Variants in WWOX observed in about 807,000 individuals in gnomAD.
WWOX encodes the protein WW domain-containing oxidoreductase.
Under a neutral mutation model 46.2 loss-of-function variants are expected in WWOX, and 69 were observed. That is an observed-to-expected ratio of 1.49 (90% confidence interval 1.23 to 1.82). WWOX has a LOEUF of 1.82. Among genes scored for constraint, WWOX ranks in the 40% most tolerant of loss-of-function variants. The pLI, the probability that WWOX is intolerant of heterozygous loss-of-function variation, is 0.00. For missense variants in WWOX, 919 were observed against 542.6 expected (o/e 1.69, Z -6.89); for synonymous variants, 359 against 202.6 (o/e 1.77, Z -6.56).
chr16:78,988,094 G>A (rs2046816069), intron 8 of WWOX, among the ~76,000 whole-genome samples: 1 of 152,256 alleles, frequency 6.6e-6, no homozygotes, highest in Admixed American at 6.5e-5. Context: ...TGTAATACCA[G>A]CAGTTTGGGA....
At chr16:78,440,055 G>A (rs1329901071) in intron 8 of WWOX, among the ~76,000 whole-genome samples, 1 of 152,214 alleles carries the variant, frequency 6.6e-6, no homozygotes, top group African/African-American at 2.4e-5. Context: ...GACTAGAAAA[G>A]TGCATAACTG....
At chr16:79,056,929 T>C (rs1339154981) in intron 8 of WWOX, among the ~76,000 whole-genome samples, 1 of 152,202 alleles carries the variant, frequency 6.6e-6, no homozygotes, top group Non-Finnish European at 1.5e-5. Flanking sequence ...TTAAGGAGTG[T>C]ATAGTCGTGT....
intron 8 of WWOX, among the ~76,000 whole-genome samples, chr16:79,132,391 A>G (rs1281364704): frequency 2.6e-5 from 4 of 152,178 alleles, no homozygotes; most frequent in Non-Finnish European, 1.5e-5. Context: ...CTCTTTGTCT[A>G]ACGCTTCATG....
chr16:78,271,344 G>A (rs1458704821), intron 5 of WWOX, among the ~76,000 whole-genome samples: 1 of 152,170 alleles, frequency 6.6e-6, no homozygotes, highest in Non-Finnish European at 1.5e-5. Flanking sequence ...ACTCGCTCTT[G>A]CTTCCGTCAC....
At chr16:79,039,616 C>T (rs2047933666) in intron 8 of WWOX, among the ~76,000 whole-genome samples, 1 of 152,224 alleles carries the variant, frequency 6.6e-6, no homozygotes, top group African/African-American at 2.4e-5. Flanking sequence ...TGCCTTCCTA[C>T]CGTAGGCTTC....
intron 8 of WWOX, among the ~76,000 whole-genome samples, chr16:78,868,847 A>G (rs1278367729): frequency 3.3e-5 from 5 of 152,166 alleles, no homozygotes; most frequent in Admixed American, 6.5e-5. Flanking sequence ...TCCTTATGCT[A>G]TCTCATTGTC....
At chr16:79,000,619 C>G (rs35300355) in intron 8 of WWOX, among the ~76,000 whole-genome samples, 21,805 of 152,144 alleles carry the variant, frequency 0.14, 1,715 homozygotes, top group East Asian at 0.26. Flanking sequence ...AAGAGATTCT[C>G]TCCCAGAACT....
chr16:78,342,990 T>TA lies in WWOX; in HGVS notation c.517-43863dup, dbSNP rs1189240260. Among the ~76,000 whole-genome samples, 5 of 121,238 alleles carry TA rather than the reference T, an allele frequency of 4.1e-5. No homozygotes were observed. In the East Asian group the frequency reaches 9.7e-4, roughly 23 times the overall value. The allele number at this position is 121,238 out of a possible 152,430, so 79.5% of individuals were successfully genotyped here. On this transcript the variant is annotated intron_variant, in intron 5 of 8. Coordinates refer to ENST00000566780, the MANE Select transcript of WWOX (RefSeq NM_016373.4). ...ATGACAATAAAGGTATTTTGGCACA[T>TA]AAAAAAACTGCTCAGCACACCTTGT...
At chr16:78,141,639 C>T (rs1408971327) in intron 4 of WWOX, among the ~76,000 whole-genome samples, 1 of 152,074 alleles carries the variant, frequency 6.6e-6, no homozygotes, top group Non-Finnish European at 1.5e-5. Flanking sequence ...CGTAGACATA[C>T]TTCCATTAAA....
At chr16:78,887,237 G>T (rs2044483800) in intron 8 of WWOX, among the ~76,000 whole-genome samples, 1 of 151,706 alleles carries the variant, frequency 6.6e-6, no homozygotes, top group Admixed American at 6.6e-5. Flanking sequence ...TTAATCCATT[G>T]TCATGACTGT....
chr16:78,988,378 A>G (rs2151342889), intron 8 of WWOX, among the ~76,000 whole-genome samples: 1 of 151,500 alleles, frequency 6.6e-6, no homozygotes, highest in East Asian at 1.9e-4. Context: ...AAGAAAGAAA[A>G]TTAATTTCTC....
At chr16:78,539,970 C>T (rs535343698) in intron 8 of WWOX, among the ~76,000 whole-genome samples, 1 of 150,722 alleles carries the variant, frequency 6.6e-6, no homozygotes, top group Non-Finnish European at 1.5e-5. Context: ...TTTCTAGCTC[C>T]CCTTTCCAAT....
At chr16:78,356,330 C>T (rs1039343572) in intron 5 of WWOX, among the ~76,000 whole-genome samples, 2 of 143,522 alleles carry the variant, frequency 1.4e-5, no homozygotes, top group Non-Finnish European at 3.1e-5. Context: ...ATTCAAAATA[C>T]TCAACTTGTT....
At chr16:78,284,047 A>T (rs1394361013) in intron 5 of WWOX, among the ~76,000 whole-genome samples, 1 of 152,194 alleles carries the variant, frequency 6.6e-6, no homozygotes, top group Admixed American at 6.5e-5. Context: ...GTATCTCGTT[A>T]AAACATTTTG....
At chr16:78,375,548 T>G (rs569893241) in intron 5 of WWOX, among the ~76,000 whole-genome samples, 1 of 152,244 alleles carries the variant, frequency 6.6e-6, no homozygotes, top group Non-Finnish European at 1.5e-5. Flanking sequence ...TAATTTACGA[T>G]AAATGTCAGT....
intron 8 of WWOX, among the ~76,000 whole-genome samples, chr16:78,652,937 T>G (rs1052300000): frequency 6.6e-6 from 1 of 152,324 alleles, no homozygotes; most frequent in Middle Eastern, 3.4e-3. Context: ...AATGAACTTT[T>G]GTTATTTGAT....
At chr16:78,455,334 C>G (rs952448447) in intron 8 of WWOX, among the ~76,000 whole-genome samples, 6 of 151,960 alleles carry the variant, frequency 3.9e-5, no homozygotes, top group Non-Finnish European at 2.9e-5. Flanking sequence ...AAATGATATT[C>G]TAATCTAATA....
intron 5 of WWOX, among the ~76,000 whole-genome samples, chr16:78,177,100 C>G (rs1184475734): frequency 6.6e-6 from 1 of 152,220 alleles, no homozygotes; most frequent in African/African-American, 2.4e-5. Flanking sequence ...ATTTTGATAT[C>G]TGCAGAAGTT....
intron 5 of WWOX, among the ~76,000 whole-genome samples, chr16:78,194,818 C>G (rs988217449): frequency 6.6e-6 from 1 of 152,060 alleles, no homozygotes; most frequent in Non-Finnish European, 1.5e-5. Context: ...TTTAAACTTC[C>G]TCTACTCTTT....
Sources: gnomAD v4.1 joint callset for allele counts (sites outside exome capture counted in the v4.1 genomes callset) on GRCh38, gnomAD v4.1.1 for gene constraint, MANE v1.5 for transcripts, NCBI Gene and HGNC (gene_info 2026-07-23, HGNC 2026-07-21) for gene names.